ROBO2: variants seen among roughly 807,000 people sequenced by gnomAD.
ROBO2 encodes the protein roundabout homolog 2.
ROBO2 carries 53 observed loss-of-function variants against 160.8 expected under a neutral mutation model. That is an observed-to-expected ratio of 0.33 (90% CI 0.26 to 0.41). The LOEUF is 0.41. Ranked by LOEUF, ROBO2 falls within the 10% of genes least tolerant of loss-of-function variation. ROBO2 has a pLI of 1.00. For missense variants in ROBO2, 1,577 were observed against 1,722.4 expected (o/e 0.92, Z 1.49); for synonymous variants, 664 against 611.7 (o/e 1.09, Z -1.26).
At chr3:76,834,022 CTTT>C (rs1559574387) in intron 2 of ROBO2, among the ~76,000 whole-genome samples, 2 of 111,268 alleles carry the variant, frequency 1.8e-5, no homozygotes, top group African/African-American at 3.5e-5. Flanking sequence ...TCCTTTCTTT[CTTT>C]TCTTTCTTTC....
intron 1 of ROBO2, among the ~76,000 whole-genome samples, chr3:77,090,751 A>C (rs192488305): frequency 2.0e-5 from 3 of 152,200 alleles, no homozygotes; most frequent in Admixed American, 1.3e-4. Context: ...TTTGTACCAC[A>C]CTGCCTCCTT....
chr3:76,033,845 C>T (rs772546187), intron 2 of ROBO2, among the ~76,000 whole-genome samples: 20 of 152,214 alleles, frequency 1.3e-4, no homozygotes, highest in Admixed American at 2.0e-4. Context: ...TTTCTACCTG[C>T]GGCCTGTCAC....
chr3:76,451,011 C>T (rs760288151), intron 2 of ROBO2, among the ~76,000 whole-genome samples: 7 of 152,206 alleles, frequency 4.6e-5, no homozygotes, highest in South Asian at 2.1e-4. Context: ...TGGCCGCAGA[C>T]GCCTTTCCAG....
intron 2 of ROBO2, among the ~76,000 whole-genome samples, chr3:76,236,179 AT>A (rs1210323241): frequency 6.6e-6 from 1 of 152,000 alleles, no homozygotes. Context: ...TTAATTTTCT[AT>A]TTATATAATA....
intron 2 of ROBO2, among the ~76,000 whole-genome samples, chr3:76,054,625 T>C (rs2067773689): frequency 6.6e-6 from 1 of 152,308 alleles, no homozygotes; most frequent in Non-Finnish European, 1.5e-5. Context: ...ATAGAGATAA[T>C]AGACACTGGG....
At chr3:75,937,613 G>T (rs762438315) in intron 2 of ROBO2, 13 of 1,488,522 alleles carry the variant, frequency 8.7e-6, no homozygotes, top group East Asian at 2.4e-5. Flanking sequence ...GTAAGTGCAA[G>T]GATGTTCTAA....
chr3:76,652,394 A>C (rs1327321606), intron 2 of ROBO2, among the ~76,000 whole-genome samples: 1 of 152,170 alleles, frequency 6.6e-6, no homozygotes, highest in African/African-American at 2.4e-5. Flanking sequence ...GCTGTATTAA[A>C]ATGTTGCACA....
chr3:77,638,579 T>C (rs1448559865), intron 24 of ROBO2, among the ~76,000 whole-genome samples: 1 of 152,110 alleles, frequency 6.6e-6, no homozygotes, highest in African/African-American at 2.4e-5. Context: ...GAAATGTCAG[T>C]CTGTATCCCA....
At chr3:77,057,858 C>T (rs919240517) in intron 1 of ROBO2, among the ~76,000 whole-genome samples, 8 of 152,000 alleles carry the variant, frequency 5.3e-5, no homozygotes, top group Middle Eastern at 3.4e-3. Flanking sequence ...CGTGAGCCAC[C>T]GCGTCCTGGC....
intron 2 of ROBO2, among the ~76,000 whole-genome samples, chr3:76,856,870 C>A (rs181914382): frequency 1.3e-5 from 2 of 152,276 alleles, no homozygotes; most frequent in Admixed American, 6.5e-5. Context: ...GGGTTTAGAA[C>A]AACATATACA....
At chr3:76,639,866 T>G (rs1356609195) in intron 2 of ROBO2, among the ~76,000 whole-genome samples, 1 of 151,832 alleles carries the variant, frequency 6.6e-6, no homozygotes, top group Admixed American at 6.6e-5. Flanking sequence ...AGAAAAATAA[T>G]ACCACCTAAC....
chr3:76,882,115 T>A (rs1031246954), intron 2 of ROBO2, among the ~76,000 whole-genome samples: 6 of 127,998 alleles, frequency 4.7e-5, no homozygotes, highest in Non-Finnish European at 1.0e-4. Context: ...TGTGTGTGTC[T>A]GTGTGTGTGT....
chr3:77,214,319 T>G (rs921053935), intron 2 of ROBO2, among the ~76,000 whole-genome samples: 4 of 152,220 alleles, frequency 2.6e-5, no homozygotes, highest in Non-Finnish European at 5.9e-5. Flanking sequence ...AATTGATCCC[T>G]TTCCCATTAT....
chr3:77,118,252 G>A (rs2074396027), intron 2 of ROBO2, among the ~76,000 whole-genome samples: 1 of 152,056 alleles, frequency 6.6e-6, no homozygotes, highest in Admixed American at 6.6e-5. Flanking sequence ...GGAAAATGTT[G>A]GGATGAATTC....
chr3:76,796,245 T>C (rs1353670038), intron 2 of ROBO2, among the ~76,000 whole-genome samples: 1 of 152,058 alleles, frequency 6.6e-6, no homozygotes, highest in African/African-American at 2.4e-5. Flanking sequence ...TTAGGTGGTA[T>C]CTTCTTCCAG....
intron 2 of ROBO2, among the ~76,000 whole-genome samples, chr3:76,120,363 C>T (rs1489230327): frequency 6.6e-6 from 1 of 150,914 alleles, no homozygotes; most frequent in Non-Finnish European, 1.5e-5. Context: ...AGTGGTAGGG[C>T]AAGGTTCAAA....
At chr3:76,149,160 G>C (rs2072044500) in intron 2 of ROBO2, among the ~76,000 whole-genome samples, 2 of 151,948 alleles carry the variant, frequency 1.3e-5, no homozygotes, top group South Asian at 4.2e-4. Flanking sequence ...CAACTAGACT[G>C]ATCAACTGCT....
intron 1 of ROBO2, among the ~76,000 whole-genome samples, chr3:77,053,937 G>A (rs75663471): frequency 1.9e-3 from 291 of 152,262 alleles, no homozygotes; most frequent in Non-Finnish European, 3.4e-3. Context: ...AAGGTCATGC[G>A]ATTATAGTGC....
chr3:76,074,813 TA>T (rs1341872620), intron 2 of ROBO2, among the ~76,000 whole-genome samples: 2 of 152,056 alleles, frequency 1.3e-5, no homozygotes, highest in Admixed American at 1.3e-4. Context: ...CCCTTCAAAG[TA>T]TATGTAAAGA....
Sources: allele counts gnomAD v4.1 joint callset (sites outside exome capture counted in the v4.1 genomes callset), GRCh38; gene constraint gnomAD v4.1.1; transcripts MANE v1.5; gene names NCBI Gene and HGNC (gene_info 2026-07-23, HGNC 2026-07-21).